Variants in RAP1B observed in about 807,000 individuals in gnomAD.
RAP1B encodes the protein ras-related protein Rap-1b.
In RAP1B, 1 loss-of-function variant was observed where a neutral mutation model predicts 27.5. The ratio of observed to expected loss-of-function variants is 0.04; its 90% CI spans 0.01 to 0.17. The LOEUF is 0.17. Among genes scored for constraint, RAP1B ranks in the 10% least tolerant of loss-of-function variants. The pLI is 1.00. For synonymous variants in RAP1B, 75 were observed against 73.1 expected, an observed-to-expected ratio of 1.03 and a Z score of -0.13; for missense variants, 84 against 214.8, an observed-to-expected ratio of 0.39 and a Z score of 3.81.
Position 68,669,942 on chromosome 12 carries a change from T to TTC in RAP1B, c.*10694_*10695insCT, listed in dbSNP as rs1254301691. ...ATATATTTCTTTTTCTTTCTTTTTT[T>TTC]TTTTTTTTTTTTTGAGACAGTTTCC... On this transcript the variant is annotated 3_prime_UTR_variant, in exon 8 of 8. Coordinates refer to ENST00000250559, the MANE Select transcript of RAP1B (RefSeq NM_001010942.3). 6.9e-6 allele frequency: 1 copy of TTC among 144,660 alleles called. No homozygotes were observed. Among genetic ancestry groups the TTC allele is most frequent in the Non-Finnish European group, 1.5e-5 (1 of 66,306 alleles). 9.0% of individuals were successfully genotyped at this position (144,660 alleles called of 1,614,324 possible).
chr12:68,640,617 A>G (rs1274250062), intron 1 of RAP1B, among the ~76,000 whole-genome samples: 1 of 152,194 alleles, frequency 6.6e-6, no homozygotes, highest in Non-Finnish European at 1.5e-5. Flanking sequence ...TCAGCATCAA[A>G]TAAACAAGAA....
chr12:68,616,346 A>G (rs1350057348), intron 1 of RAP1B, among the ~76,000 whole-genome samples: 2 of 150,086 alleles, frequency 1.3e-5, no homozygotes, highest in Non-Finnish European at 3.0e-5. Context: ...GTGCAGTGGC[A>G]CGATCTCAGT....
intron 3 of RAP1B, chr12:68,650,979 C>T (rs1259426963): frequency 1.3e-5 from 2 of 152,324 alleles, no homozygotes; most frequent in Non-Finnish European, 2.9e-5. Context: ...ATGGGACCCA[C>T]ATCTAAACAA....
At chr12:68,639,719 A>T (rs1161998431) in intron 1 of RAP1B, among the ~76,000 whole-genome samples, 1 of 152,192 alleles carries the variant, frequency 6.6e-6, no homozygotes, top group Admixed American at 6.5e-5. Context: ...CATAAGACCA[A>T]CTACATTTAG....
rs1875055767 is a variant in RAP1B, at chr12:68,670,778, C to T, written c.*11529C>T. ...GCACGGTGGATCATGCCTGTAATCCCAACACTTTGGGAGGCCGAGGCGGGT... is the reference window on the plus strand; with the variant it reads ...GCACGGTGGATCATGCCTGTAATCCTAACACTTTGGGAGGCCGAGGCGGGT... On this transcript the variant is annotated 3_prime_UTR_variant, in exon 8 of 8. Transcript: ENST00000250559. 2 of 152,106 alleles carry T rather than the reference C, an allele frequency of 1.3e-5. No individual in the cohort carries two copies. Among genetic ancestry groups the T allele is most frequent in the South Asian group, 2.1e-4 (1 of 4,820 alleles). 9.4% of individuals were successfully genotyped at this position (152,106 alleles called of 1,614,324 possible). A position where few individuals can be genotyped will look rare whatever the true frequency, so the allele number is the denominator to read the frequency against.
intron 1 of RAP1B, among the ~76,000 whole-genome samples, chr12:68,636,392 A>G (rs2135941371): frequency 6.6e-6 from 1 of 152,280 alleles, no homozygotes; most frequent in South Asian, 2.1e-4. Context: ...TTTTTACTGG[A>G]CTGTGATTCC....
chr12:68,634,585 AT>A lies in RAP1B; in HGVS notation c.-26-14103del, dbSNP rs544794717. On this transcript the variant is annotated intron_variant, in intron 1 of 7. Transcript: ENST00000250559. ...AAGGTGATCTTGAGCCTATATTATT[AT>A]TTTTTTTTTTACCTGTTTTTGAATT... Among the ~76,000 whole-genome samples the A allele has an allele frequency of 1.6e-3, 238 of 148,700 alleles. 1 individual carries two copies. The highest frequency in any genetic ancestry group is 3.8e-3 in the African/African-American group (156 of 40,702).
intron 1 of RAP1B, chr12:68,627,283 C>G: frequency 2.3e-6 from 2 of 866,484 alleles, no homozygotes; most frequent in Non-Finnish European, 3.9e-6. Context: ...AACACACAGG[C>G]TGCATACACT....
At chr12:68,625,254 G>T (rs12309804) in intron 1 of RAP1B, among the ~76,000 whole-genome samples, 7,948 of 152,214 alleles carry the variant, frequency 0.052, 674 homozygotes, top group African/African-American at 0.18. Context: ...ATTTTTCTGA[G>T]TGGTCTTTAT....
Position 68,622,627 on chromosome 12 carries a change from C to T in RAP1B, c.-27+11584C>T, listed in dbSNP as rs971844518. On this transcript the variant is annotated intron_variant, in intron 1 of 7. Coordinates refer to ENST00000250559, the MANE Select transcript of RAP1B (RefSeq NM_001010942.3). ...CCTTATATAAAGGAGCATTCCTCTT[C>T]ATTACCTCTGTAGTTCTTAATCATA... Among the ~76,000 whole-genome samples, 4 of 152,194 alleles carry T rather than the reference C, an allele frequency of 2.6e-5. No homozygotes were observed. In the East Asian group the frequency reaches 5.8e-4, roughly 22 times the overall value.
rs7961035 is a variant in RAP1B, at chr12:68,626,963, C to G, written c.-27+15920C>G. 15,531 of 1,522,444 alleles carry G rather than the reference C, an allele frequency of 0.01. 1,293 individuals carry two copies. In the African/African-American group the frequency reaches 0.18, roughly 18 times the overall value. The allele number at this position is 1,522,444 out of a possible 1,614,324, so 94.3% of individuals were successfully genotyped here. A position where few individuals can be genotyped will look rare whatever the true frequency, so the allele number is the denominator to read the frequency against. ...CTGGGATGAGCCGCTTCTCAGTCAC[C>G]ATGTCTTCAAACTCATTGGCATTGA... On this transcript the variant is annotated intron_variant, in intron 1 of 7. Coordinates refer to ENST00000250559, the MANE Select transcript of RAP1B (RefSeq NM_001010942.3).
In RAP1B at chr12:68,650,375, A is replaced by G. The variant is rs779985592; in HGVS notation, c.58-25A>G. 2.1e-5 allele frequency: 32 copies of G among 1,515,448 alleles called. No homozygotes were observed. In the East Asian group the frequency reaches 7.0e-4, roughly 33 times the overall value. The allele number at this position is 1,515,448 out of a possible 1,614,324, so 93.9% of individuals were successfully genotyped here. On this transcript the variant is annotated intron_variant, in intron 2 of 7. Coordinates refer to ENST00000250559, the MANE Select transcript of RAP1B (RefSeq NM_001010942.3). ...AATGTACTCTTTTCTTTAGAAGTAT[A>G]ATGGTTTCTTAATTTTTTTTTCAGA...
At chr12:68,616,728 C>G (rs1871048409) in intron 1 of RAP1B, among the ~76,000 whole-genome samples, 1 of 152,056 alleles carries the variant, frequency 6.6e-6, no homozygotes, top group Admixed American at 6.6e-5. Context: ...GCCACCGCGC[C>G]CGGCCAGGTT....
rs541852298 is a variant in RAP1B, at chr12:68,637,276, ATTG to A, written c.-26-11418_-26-11416del. 1.3e-4 allele frequency among the ~76,000 whole-genome samples: 20 copies of A among 152,160 alleles called. No individual in the cohort carries two copies. The East Asian group carries it at 2.7e-3, about 21-fold the overall frequency. On this transcript the variant is annotated intron_variant, in intron 1 of 7. Transcript: ENST00000250559. ...TGTCCATCAACTCGGTACAGTCAGTATTGTTGTCCGTATTTCACAGATTAAGAC... is the reference window on the plus strand; with the variant it reads ...TGTCCATCAACTCGGTACAGTCAGTATTGTCCGTATTTCACAGATTAAGAC...
chr12:68,643,048 C>A (rs1352699538), intron 1 of RAP1B: 2 of 715,292 alleles, frequency 2.8e-6, no homozygotes, highest in Non-Finnish European at 5.1e-6. Context: ...CCGCCTTTAA[C>A]TTCTTGAAGG....
intron 1 of RAP1B, among the ~76,000 whole-genome samples, chr12:68,632,600 T>C (rs1727306093): frequency 6.6e-6 from 1 of 152,142 alleles, no homozygotes; most frequent in Non-Finnish European, 1.5e-5. Context: ...GATGTCCTTT[T>C]CACAAGCAGA....
intron 4 of RAP1B, 28 bp from the exon 5 acceptor site, chr12:68,654,081 GTTT>G: frequency 6.5e-7 from 1 of 1,542,062 alleles, no homozygotes; most frequent in African/African-American, 1.4e-5. Context: ...AAACATTATT[GTTT>G]TTTAACGTTC....
At chr12:68,622,958 C>T (rs1335294097) in intron 1 of RAP1B, among the ~76,000 whole-genome samples, 1 of 152,190 alleles carries the variant, frequency 6.6e-6, no homozygotes, top group East Asian at 1.9e-4. Flanking sequence ...GCCTCAGACT[C>T]CCAAAGTGCT....
intron 1 of RAP1B, among the ~76,000 whole-genome samples, chr12:68,630,413 AAAAAAAACAAAAAC>A (rs542014771): frequency 2.7e-4 from 41 of 151,722 alleles, no homozygotes; most frequent in African/African-American, 9.7e-4. Context: ...TTTATTTACC[AAAAAAAACAAAAAC>A]AAAAAAACAG....
Sources: allele counts gnomAD v4.1 joint callset (sites outside exome capture counted in the v4.1 genomes callset), GRCh38; gene constraint gnomAD v4.1.1; transcripts MANE v1.5; gene names NCBI Gene and HGNC (gene_info 2026-07-23, HGNC 2026-07-21).